HELZ: variants seen among roughly 807,000 people sequenced by gnomAD.
The protein encoded by HELZ is ATP-dependent RNA helicase with zinc finger domain.
A neutral mutation model predicts 218.2 loss-of-function variants in HELZ; 23 were observed. That is an observed-to-expected ratio of 0.11 (90% CI 0.08 to 0.15). The LOEUF is 0.15. Ranked by LOEUF, HELZ falls within the 10% of genes least tolerant of loss-of-function variation. The probability of loss-of-function intolerance (pLI) is 1.00; values close to 1 mark genes in which losing one functional copy is unlikely to be tolerated. For missense variants in HELZ, 1,813 were observed against 2,353.7 expected (o/e 0.77, Z 4.75); for synonymous variants, 814 against 829.4 (o/e 0.98, Z 0.32).
intron 13 of HELZ, among the ~76,000 whole-genome samples, chr17:67,177,838 C>G (rs1172163343): frequency 6.6e-6 from 1 of 152,042 alleles, no homozygotes; most frequent in African/African-American, 2.4e-5. Flanking sequence ...ACTTTCTTTT[C>G]CTTTCTGAAT....
At chr17:67,111,197 T>C (rs73997336) in intron 28 of HELZ, among the ~76,000 whole-genome samples, 5,873 of 152,290 alleles carry the variant, frequency 0.039, 389 homozygotes, top group African/African-American at 0.13. Context: ...CCCTGAATTA[T>C]TCAATACTGA....
chr17:67,084,479 A>G (rs995686595), intron 32 of HELZ, among the ~76,000 whole-genome samples: 5 of 151,836 alleles, frequency 3.3e-5, no homozygotes, highest in Non-Finnish European at 7.4e-5. Flanking sequence ...TGGCTAACAC[A>G]GTGAAACCCC....
At chr17:67,183,118 A>T (rs967510515) in intron 12 of HELZ, among the ~76,000 whole-genome samples, 6 of 152,238 alleles carry the variant, frequency 3.9e-5, no homozygotes, top group African/African-American at 1.4e-4. Context: ...CTTCCTTAGA[A>T]AATATTTTGG....
At chr17:67,196,139 A>G (rs909858996) in intron 7 of HELZ, among the ~76,000 whole-genome samples, 2 of 151,932 alleles carry the variant, frequency 1.3e-5, no homozygotes, top group African/African-American at 4.8e-5. Context: ...GGCGTGAGCC[A>G]CCACGCCCGG....
Position 67,103,054 on chromosome 17 carries a change from T to C in HELZ, c.5241+4115A>G, listed in dbSNP as rs867818248. ...AACTTCATAAAACCTATAAAAACTTTGGCACACAGTTCCCCCTCATATCAT... is the reference window on the plus strand; with the variant it reads ...AACTTCATAAAACCTATAAAAACTTCGGCACACAGTTCCCCCTCATATCAT... On this transcript the variant is annotated intron_variant, in intron 31 of 32. Transcript: ENST00000358691. Among the ~76,000 whole-genome samples, 114 of 152,308 alleles carry C rather than the reference T, an allele frequency of 7.5e-4. 1 individual carries two copies. The highest frequency in any genetic ancestry group is 2.7e-3 in the African/African-American group (112 of 41,582).
intron 24 of HELZ, 42 bp downstream of exon 24, chr17:67,128,609 T>C (rs1261011062): frequency 1.9e-6 from 3 of 1,557,546 alleles, no homozygotes; most frequent in Non-Finnish European, 2.7e-6. Context: ...CTGCGAAGTT[T>C]TCTCCCTTTA....
chr17:67,080,750 G>A (rs1481310577), intron 32 of HELZ, among the ~76,000 whole-genome samples: 1 of 152,208 alleles, frequency 6.6e-6, no homozygotes, highest in African/African-American at 2.4e-5. Context: ...AATGAAGGCT[G>A]ATATGTCCTA....
Position 67,108,482 on chromosome 17 carries a change from G to A in HELZ, c.4724+10C>T, listed in dbSNP as rs374418525. On this transcript the variant is annotated intron_variant, in intron 30 of 32. Transcript: ENST00000358691. This position sits in a 1 kb window ranked among gnomAD's most constrained non-coding sequence, Gnocchi z 4.1. Reference sequence around the variant, plus strand: ...GCATTCCAGGGGCTATTTTCAGTCCGCTGGAATACCTTGAGTATGTGGTCT... The same window carrying A: ...GCATTCCAGGGGCTATTTTCAGTCCACTGGAATACCTTGAGTATGTGGTCT... 2,335 of 1,600,750 alleles carry A rather than the reference G, an allele frequency of 1.5e-3. No individual in the cohort carries two copies. The highest frequency in any genetic ancestry group is 1.8e-3 in the Non-Finnish European group (2,155 of 1,168,198).
intron 3 of HELZ, chr17:67,224,730 GGTGAAC>G (rs1470582149): frequency 1.3e-5 from 13 of 1,018,870 alleles, no homozygotes; most frequent in Non-Finnish European, 1.8e-5. Flanking sequence ...ATGCAAACAT[GGTGAAC>G]GTTGCTAAAA....
intron 31 of HELZ, among the ~76,000 whole-genome samples, chr17:67,098,762 T>A (rs539108560): frequency 6.6e-6 from 1 of 152,046 alleles, no homozygotes; most frequent in Admixed American, 6.6e-5. Flanking sequence ...AAAATAAAAA[T>A]GTCCAAACAA....
chr17:67,109,448 T>G lies in HELZ; in HGVS notation c.4157A>C (p.Asn1386Thr). The change falls in exon 29 of 33, where the codon AAT (asparagine) becomes ACT (threonine). Residue 1386 changes from asparagine to threonine, a missense_variant. By Grantham distance (65) the Asn-to-Thr change is moderately conservative. Around this residue, in one of 4 missense-constraint regions of HELZ, gnomAD observed 938 missense variants for 1,027.5 expected, o/e 0.91. Transcript: ENST00000358691. ...QHTLLNQQQN[N>T]LPEQPNQIPP... Reference sequence around the variant, plus strand: ...TATCTGATTTGGTTGTTCAGGCAAATTATTCTGCTGCTGATTTAACAAGGT... The same window carrying G: ...TATCTGATTTGGTTGTTCAGGCAAAGTATTCTGCTGCTGATTTAACAAGGT... The G allele has an allele frequency of 6.2e-7, 1 of 1,614,188 alleles. No homozygotes were observed. Among genetic ancestry groups the G allele is most frequent in the South Asian group, 1.1e-5 (1 of 91,076 alleles).
chr17:67,166,521 G>C lies in HELZ; in HGVS notation c.1852C>G (p.Pro618Ala). 1.2e-6 allele frequency: 2 copies of C among 1,613,386 alleles called. No individual in the cohort carries two copies. The highest frequency in any genetic ancestry group is 8.5e-7 in the Non-Finnish European group (1 of 1,179,450). Residue 618 changes from proline to alanine, a missense_variant, in exon 15 of 33, where the codon CCA (proline) becomes GCA (alanine). Physicochemically the swap from Pro to Ala is conservative, Grantham distance 27. Coordinates refer to ENST00000358691, the MANE Select transcript of HELZ (RefSeq NM_014877.4). ...ATGGTGGGAGTCATACTGATGTCTG[G>C]AAACAAAACCCCATTGTCCTTGATC... ...DRIKDNGVLF[P>A]DISMTPTIPW...
At chr17:67,231,859 C>A (rs952638385) in intron 3 of HELZ, among the ~76,000 whole-genome samples, 1 of 151,432 alleles carries the variant, frequency 6.6e-6, no homozygotes, top group Non-Finnish European at 1.5e-5. Context: ...TCAAGACCAG[C>A]CTGGCCGATA....
At chr17:67,098,380 TA>T (rs554207893) in intron 31 of HELZ, among the ~76,000 whole-genome samples, 362 of 152,328 alleles carry the variant, frequency 2.4e-3, no homozygotes, top group African/African-American at 8.3e-3. Context: ...TTACAAGATT[TA>T]AAGTCTTTGA....
intron 9 of HELZ, among the ~76,000 whole-genome samples, chr17:67,190,671 T>C (rs990577752): frequency 1.2e-4 from 18 of 152,304 alleles, no homozygotes; most frequent in African/African-American, 3.4e-4. Context: ...GGACTCTTAC[T>C]AGACAATTCC....
chr17:67,130,453 C>A (rs1368806638), intron 23 of HELZ, among the ~76,000 whole-genome samples: 3 of 152,052 alleles, frequency 2.0e-5, no homozygotes, highest in Non-Finnish European at 4.4e-5. Context: ...AAAAATGCTA[C>A]AAAATATTAA....
intron 5 of HELZ, 85 bp from the exon 6 acceptor site, chr17:67,203,528 C>T (rs1408492582): frequency 6.7e-6 from 10 of 1,497,724 alleles, no homozygotes; most frequent in South Asian, 2.5e-5. Context: ...CTATCACAAG[C>T]GTGGCTTTTT....
At chr17:67,107,143 C>G in intron 31 of HELZ, 26 bp downstream of exon 31, 2 of 1,566,608 alleles carry the variant, frequency 1.3e-6, no homozygotes, top group East Asian at 4.5e-5. Flanking sequence ...CAGCTAATAA[C>G]AAAAGGAAAA....
chr17:67,223,488 C>T lies in HELZ; in HGVS notation c.-18-4666G>A, dbSNP rs745555774. On this transcript the variant is annotated intron_variant, in intron 3 of 32. Transcript: ENST00000358691. ...AAACTTGGCCGGGCGTGGTGGCTCA[C>T]GCCTGTAATCCCAGCACTTTGGGAG... Among the ~76,000 whole-genome samples the T allele has an allele frequency of 3.3e-5, 5 of 152,144 alleles. No individual in the cohort carries two copies. In the East Asian group the frequency reaches 5.8e-4, roughly 18 times the overall value.
Sources: allele counts gnomAD v4.1 joint callset (sites outside exome capture counted in the v4.1 genomes callset), GRCh38; gene constraint gnomAD v4.1.1; regional missense constraint gnomAD v4.1.1; non-coding constraint Gnocchi (gnomAD v3.1); transcripts MANE v1.5; gene names NCBI Gene and HGNC (gene_info 2026-07-23, HGNC 2026-07-21).